Variants in POU6F2 observed in about 807,000 individuals in gnomAD.
POU6F2 encodes the protein POU domain, class 6, transcription factor 2.
Under a neutral mutation model 71.3 loss-of-function variants are expected in POU6F2, and 31 were observed. The observed-to-expected ratio is 0.43, with a 90% CI of 0.33 to 0.59. POU6F2 has a LOEUF of 0.59. Among genes scored for constraint, POU6F2 ranks in the 20% least tolerant of loss-of-function variants. The pLI is 0.04. For synonymous variants in POU6F2, 347 were observed against 355.7 expected (o/e 0.98, Z 0.27); for missense variants, 783 against 856.8 (o/e 0.91, Z 1.07).
intron 4 of POU6F2, among the ~76,000 whole-genome samples, chr7:39,324,415 T>C (rs1211829796): frequency 6.6e-6 from 1 of 152,226 alleles, no homozygotes; most frequent in Non-Finnish European, 1.5e-5. Flanking sequence ...CATTCAATTC[T>C]CACTCTCAAA....
chr7:39,150,225 C>CTCTGTGTG (rs1554325538), intron 2 of POU6F2, among the ~76,000 whole-genome samples: 4 of 141,160 alleles, frequency 2.8e-5, no homozygotes, highest in Non-Finnish European at 6.1e-5. Flanking sequence ...AGTAATATGT[C>CTCTGTGTG]TGTGTGTGTG....
chr7:39,339,565 C>A, intron 4 of POU6F2, 77 bp from the exon 5 acceptor site: 1 of 1,485,306 alleles, frequency 6.7e-7, no homozygotes, highest in Non-Finnish European at 8.9e-7. Flanking sequence ...TCTCCACTTG[C>A]ACTGGACAGG....
intron 2 of POU6F2, among the ~76,000 whole-genome samples, chr7:39,203,760 T>A (rs796563467): frequency 6.6e-6 from 1 of 152,152 alleles, no homozygotes; most frequent in South Asian, 2.1e-4. Context: ...GGCTTTGTTT[T>A]CAGGAAAGCG....
chr7:39,068,490 C>CATATATATATAT (rs3057275), intron 1 of POU6F2, among the ~76,000 whole-genome samples: 2 of 146,718 alleles, frequency 1.4e-5, no homozygotes, highest in African/African-American at 5.2e-5. Flanking sequence ...CTAGTACATG[C>CATATATATATAT]ATATATATAT....
chr7:39,213,171 A>C (rs77553866), intron 4 of POU6F2, among the ~76,000 whole-genome samples: 1 of 152,210 alleles, frequency 6.6e-6, no homozygotes, highest in Non-Finnish European at 1.5e-5. Flanking sequence ...CCAAAAATAC[A>C]TTAAAGAGTG....
chr7:39,356,731 T>C (rs1257880980), intron 5 of POU6F2, among the ~76,000 whole-genome samples: 2 of 152,212 alleles, frequency 1.3e-5, no homozygotes, highest in Non-Finnish European at 2.9e-5. Context: ...CGATGACTAA[T>C]GAAAGAAGAG....
At chr7:39,411,951 C>T (rs746082805) in intron 6 of POU6F2, among the ~76,000 whole-genome samples, 10 of 152,294 alleles carry the variant, frequency 6.6e-5, no homozygotes, top group Admixed American at 4.6e-4. Context: ...GTTAAAAATA[C>T]GTATCTTAGA....
At chr7:39,104,431 C>T (rs531425049) in intron 2 of POU6F2, among the ~76,000 whole-genome samples, 69 of 152,238 alleles carry the variant, frequency 4.5e-4, no homozygotes, top group South Asian at 2.1e-3. Context: ...TTGATCTGCC[C>T]GGTGGCTGGA....
rs1481361846 is a variant in POU6F2, at chr7:39,467,905, T to C, written c.*3219T>C. 2.6e-5 allele frequency: 4 copies of C among 152,186 alleles called. No individual in the cohort carries two copies. Among genetic ancestry groups the C allele is most frequent in the South Asian group, 2.1e-4 (1 of 4,826 alleles). The allele number at this position is 152,186 out of a possible 1,614,324, so 9.4% of individuals were successfully genotyped here. On this transcript the variant is annotated 3_prime_UTR_variant, in exon 10 of 10. Transcript: ENST00000518318. The stretch of plus-strand genomic sequence containing the variant: ...TAGGTATATGCACATTGTATAGATA[T>C]GGCTAAATGTTGCTGACAATCTCGC...
chr7:38,996,035 C>CTTTTGTTTTTT (rs1788726259), intron 1 of POU6F2, among the ~76,000 whole-genome samples: 1 of 85,390 alleles, frequency 1.2e-5, no homozygotes, highest in Non-Finnish European at 2.2e-5. Context: ...AGGGGCTTGG[C>CTTTTGTTTTTT]TTTTTTTTTT....
At chr7:39,050,767 A>G (rs75818700) in intron 1 of POU6F2, among the ~76,000 whole-genome samples, 2,130 of 152,226 alleles carry the variant, frequency 0.014, 46 homozygotes, top group African/African-American at 0.048. Context: ...AAGAATTACC[A>G]TGAAGAAAAA....
chr7:39,247,247 C>T (rs562450685), intron 4 of POU6F2, among the ~76,000 whole-genome samples: 2 of 151,960 alleles, frequency 1.3e-5, no homozygotes, highest in African/African-American at 4.8e-5. Flanking sequence ...GGCAAGTGGA[C>T]TGCTTGAGGC....
intron 2 of POU6F2, among the ~76,000 whole-genome samples, chr7:39,157,875 G>A (rs955642216): frequency 1.3e-5 from 2 of 152,148 alleles, no homozygotes; most frequent in African/African-American, 4.8e-5. Context: ...TCCTTCTGGG[G>A]CCTATAATAA....
In POU6F2 at chr7:39,464,457, C is replaced by T. The variant is rs773981881; in HGVS notation, c.1934C>T (p.Pro645Leu). The change falls in exon 10 of 10, where the codon CCC becomes CTC. Residue 645 changes from proline (P) to leucine (L), a missense_variant. Physicochemically the swap from Pro to Leu is moderately conservative, Grantham distance 98. Coordinates refer to ENST00000518318, the MANE Select transcript of POU6F2 (RefSeq NM_001370959.1). This position sits in a 1 kb window ranked among gnomAD's most constrained non-coding sequence, Gnocchi z 4.1. ...KKRKRRTSFTPQALEILNAHF... is the reference protein window; with the variant it reads ...KKRKRRTSFTLQALEILNAHF... ...CGCAAGCGGCGCACCTCCTTCACACCCCAGGCCCTTGAGATCCTCAATGCC... is the reference window on the plus strand; with the variant it reads ...CGCAAGCGGCGCACCTCCTTCACACTCCAGGCCCTTGAGATCCTCAATGCC... The T allele has an allele frequency of 5.6e-6, 9 of 1,613,964 alleles. No individual in the cohort carries two copies. Among genetic ancestry groups the T allele is most frequent in the Non-Finnish European group, 7.6e-6 (9 of 1,179,868 alleles).
chr7:39,298,120 A>G (rs1434481737), intron 4 of POU6F2, among the ~76,000 whole-genome samples: 1 of 152,218 alleles, frequency 6.6e-6, no homozygotes, highest in Non-Finnish European at 1.5e-5. Context: ...ACTTCATGAC[A>G]AAAACACAAA....
chr7:39,433,001 A>G, intron 6 of POU6F2, 76 bp from the exon 7 acceptor site: 11 of 1,455,938 alleles, frequency 7.6e-6, no homozygotes, highest in Non-Finnish European at 9.5e-6. Context: ...TAGAGAGACC[A>G]GGCACTGCAT....
chr7:39,184,176 C>T (rs1793488534), intron 2 of POU6F2, among the ~76,000 whole-genome samples: 1 of 152,200 alleles, frequency 6.6e-6, no homozygotes, highest in Non-Finnish European at 1.5e-5. Flanking sequence ...TTTATTTGCA[C>T]AGCAATAGAA....
intron 5 of POU6F2, among the ~76,000 whole-genome samples, chr7:39,342,228 T>G (rs557527644): frequency 6.6e-6 from 1 of 152,186 alleles, no homozygotes; most frequent in South Asian, 2.1e-4. Context: ...AGGACTTTTT[T>G]CCTTTACTAC....
At position 39,121,690 on chromosome 7, in the gene POU6F2, A is replaced by G. The variant is rs140759202; in HGVS notation, c.277+35659A>G. 3.0e-3 allele frequency among the ~76,000 whole-genome samples: 456 copies of G among 152,284 alleles called. 1 individual carries two copies. The highest frequency in any genetic ancestry group is 0.01 in the African/African-American group (432 of 41,556). On this transcript the variant is annotated intron_variant, in intron 2 of 9. Coordinates refer to ENST00000518318, the MANE Select transcript of POU6F2 (RefSeq NM_001370959.1). ...ACTTAGTGTATATGAGGCCATATAGAGATACTAATTATTATTTATTTATTT... is the reference window on the plus strand; with the variant it reads ...ACTTAGTGTATATGAGGCCATATAGGGATACTAATTATTATTTATTTATTT...
Sources: allele counts gnomAD v4.1 joint callset (sites outside exome capture counted in the v4.1 genomes callset), GRCh38; gene constraint gnomAD v4.1.1; non-coding constraint Gnocchi (gnomAD v3.1); transcripts MANE v1.5; gene names NCBI Gene and HGNC (gene_info 2026-07-23, HGNC 2026-07-21).